The following CDH4 variants were observed in gnomAD, a reference collection of about 807,000 sequenced individuals.
CDH4 encodes cadherin 4.
Under a neutral mutation model 86.0 loss-of-function variants are expected in CDH4, and 33 were observed. The ratio of observed to expected loss-of-function variants is 0.38; its 90% CI spans 0.29 to 0.51. The LOEUF (loss-of-function observed/expected upper bound fraction) is 0.51, where lower values mean the gene tolerates loss of function less well. Ranked by LOEUF, CDH4 falls within the 20% of genes least tolerant of loss-of-function variation. CDH4 has a pLI of 0.86. For missense variants in CDH4, 1,114 were observed against 1,307.4 expected (o/e 0.85, Z 2.28); for synonymous variants, 555 against 549.4 (o/e 1.01, Z -0.14).
chr20:61,582,691 A>G lies in CDH4; in HGVS notation c.170-160872A>G, dbSNP rs1002615286. Among the ~76,000 whole-genome samples the G allele has an allele frequency of 6.6e-6, 1 of 152,064 alleles. No individual in the cohort carries two copies. The highest frequency in any genetic ancestry group is 1.5e-5 in the Non-Finnish European group (1 of 68,014). ...AGGAGCCTGTCTTCTGAGGCTGGGGACACAAGCCAGCCCTGCAGGCTCCAC... is the reference window on the plus strand; with the variant it reads ...AGGAGCCTGTCTTCTGAGGCTGGGGGCACAAGCCAGCCCTGCAGGCTCCAC... On this transcript the variant is annotated intron_variant, in intron 2 of 15. Coordinates refer to ENST00000614565, the MANE Select transcript of CDH4 (RefSeq NM_001794.5). The surrounding 1 kb of genome is among the most constrained non-coding windows in gnomAD (Gnocchi z 4.2).
In CDH4 at chr20:61,383,681, TATATG is replaced by T. The variant is rs1240593286; in HGVS notation, c.169+128749_169+128753del. The stretch of plus-strand genomic sequence containing the variant: ...ATATTATATATGATATATATGAATG[TATATG>T]ATATATGATATATATGAATGTATAT... On this transcript the variant is annotated intron_variant, in intron 2 of 15. Transcript: ENST00000614565. Among the ~76,000 whole-genome samples the T allele has an allele frequency of 2.6e-4, 21 of 80,694 alleles. 1 individual carries two copies. The highest frequency in any genetic ancestry group is 5.2e-4 in the Non-Finnish European group (21 of 40,060). 52.9% of individuals were successfully genotyped at this position (80,694 alleles called of 152,430 possible). A position where few individuals can be genotyped will look rare whatever the true frequency, so the allele number is the denominator to read the frequency against.
intron 2 of CDH4, among the ~76,000 whole-genome samples, chr20:61,352,612 T>C (rs1271106807): frequency 6.6e-6 from 1 of 152,230 alleles, no homozygotes; most frequent in East Asian, 1.9e-4. Flanking sequence ...TGTTTTGATT[T>C]CTATCGCCTG....
At chr20:61,724,440 G>A (rs1408191043) in intron 2 of CDH4, among the ~76,000 whole-genome samples, 1 of 152,202 alleles carries the variant, frequency 6.6e-6, no homozygotes, top group Non-Finnish European at 1.5e-5. Context: ...AGTGGGCTCA[G>A]TGAGAAAGCT....
rs749147156 is a variant in CDH4, at chr20:61,936,860, G to A, written c.2668G>A (p.Asp890Asn). Residue 890 changes from aspartate (D) to asparagine (N), a missense_variant, in exon 16 of 16, where the codon GAC (aspartate) becomes AAC (asparagine). This residue lies in a region of CDH4 where 188 missense variants were observed against 183.8 expected (regional missense o/e 1.02). Coordinates refer to ENST00000614565, the MANE Select transcript of CDH4 (RefSeq NM_001794.5). ...VSSLNSSSSG[D>N]QDYDYLNDWG... ...CTCCCTGAACTCATCCAGTTCCGGG[G>A]ACCAAGACTACGATTACCTCAACGA... 8 of 1,608,548 alleles carry A rather than the reference G, an allele frequency of 5.0e-6. 1 individual carries two copies. In the South Asian group the frequency reaches 5.5e-5, roughly 11 times the overall value.
chr20:61,765,037 C>G (rs2088682221), intron 3 of CDH4, among the ~76,000 whole-genome samples: 1 of 152,224 alleles, frequency 6.6e-6, no homozygotes, highest in Non-Finnish European at 1.5e-5. Flanking sequence ...GATTAAGAAG[C>G]AGGCAGGTTT....
intron 2 of CDH4, among the ~76,000 whole-genome samples, chr20:61,679,164 C>G (rs948673794): frequency 1.3e-5 from 2 of 152,178 alleles, no homozygotes; most frequent in African/African-American, 4.8e-5. Flanking sequence ...GTGGCATGGC[C>G]TGGTGTTTGC....
chr20:61,599,492 C>T (rs918541540), intron 2 of CDH4, among the ~76,000 whole-genome samples: 4 of 152,218 alleles, frequency 2.6e-5, no homozygotes, highest in Admixed American at 6.5e-5. Context: ...TCCTGACCCC[C>T]CTGACCCCAC....
At chr20:61,796,443 G>A (rs569181338) in intron 4 of CDH4, among the ~76,000 whole-genome samples, 3 of 152,118 alleles carry the variant, frequency 2.0e-5, no homozygotes, top group Non-Finnish European at 4.4e-5. Context: ...CCAGCCCCGC[G>A]TCCTACAGCC....
At chr20:61,275,362 G>A (rs551809500) in intron 2 of CDH4, among the ~76,000 whole-genome samples, 7 of 78,676 alleles carry the variant, frequency 8.9e-5, no homozygotes, top group Non-Finnish European at 7.1e-5. Context: ...GGGGAGTACC[G>A]TGAAGCAGTT....
At chr20:61,706,473 G>C (rs977741741) in intron 2 of CDH4, among the ~76,000 whole-genome samples, 2 of 152,196 alleles carry the variant, frequency 1.3e-5, no homozygotes, top group Admixed American at 6.5e-5. Flanking sequence ...TGAGAGAAAA[G>C]GCTGTAGCCA....
At chr20:61,834,630 A>G (rs1017844570) in intron 4 of CDH4, among the ~76,000 whole-genome samples, 5 of 152,216 alleles carry the variant, frequency 3.3e-5, no homozygotes, top group African/African-American at 1.2e-4. Flanking sequence ...GGAGCCAGAA[A>G]ATGACAGGGA....
chr20:61,349,604 G>A (rs925855500), intron 2 of CDH4, among the ~76,000 whole-genome samples: 3 of 152,206 alleles, frequency 2.0e-5, no homozygotes, highest in Non-Finnish European at 1.5e-5. Flanking sequence ...TATGGACCTG[G>A]GGTATGGCAC....
chr20:61,358,803 G>A (rs576004837), intron 2 of CDH4, among the ~76,000 whole-genome samples: 6 of 152,184 alleles, frequency 3.9e-5, no homozygotes, highest in African/African-American at 1.4e-4. Flanking sequence ...GCTTTAATGC[G>A]GGGGGGAAGG....
At position 61,517,167 on chromosome 20, in the gene CDH4, C is replaced by T. The variant is rs946710181; in HGVS notation, c.170-226396C>T. Among the ~76,000 whole-genome samples, 1 of 152,168 alleles carries T rather than the reference C, an allele frequency of 6.6e-6. No homozygotes were observed. The highest frequency in any genetic ancestry group is 1.5e-5 in the Non-Finnish European group (1 of 68,030). Reference sequence around the variant, plus strand: ...CTGTATTCCAACTTTCTAGATGTTGCCTGACTTTGAACTTCGGGTAAATGG... The same window carrying T: ...CTGTATTCCAACTTTCTAGATGTTGTCTGACTTTGAACTTCGGGTAAATGG... On this transcript the variant is annotated intron_variant, in intron 2 of 15. Coordinates refer to ENST00000614565, the MANE Select transcript of CDH4 (RefSeq NM_001794.5). This position sits in a 1 kb window ranked among gnomAD's most constrained non-coding sequence, Gnocchi z 6.6.
chr20:61,590,878 G>GGC (rs1568700954), intron 2 of CDH4, among the ~76,000 whole-genome samples: 20 of 59,892 alleles, frequency 3.3e-4, no homozygotes, highest in South Asian at 9.4e-4. Flanking sequence ...TAAATCTATG[G>GGC]GGGGGGGGGT....
intron 4 of CDH4, among the ~76,000 whole-genome samples, chr20:61,806,028 G>C (rs1253667415): frequency 6.6e-6 from 1 of 152,180 alleles, no homozygotes; most frequent in Non-Finnish European, 1.5e-5. Flanking sequence ...CCTCGCCTGG[G>C]GGCTCCTTCC....
chr20:61,453,687 A>G (rs1365029326), intron 2 of CDH4, among the ~76,000 whole-genome samples: 3 of 152,214 alleles, frequency 2.0e-5, no homozygotes, highest in Admixed American at 6.5e-5. Context: ...TACTTGGCCT[A>G]TCTTTCTTTG....
rs537600561 is a variant in CDH4 at position 61,262,562 on chromosome 20, C to T, written c.169+7625C>T. ...CTTTGTTTCAGAAATAATGATTTTT[C>T]TAATTCTACCCTGCAGTGTTAAAAA... On this transcript the variant is annotated intron_variant, in intron 2 of 15. Transcript: ENST00000614565. Among the ~76,000 whole-genome samples, 307 of 152,230 alleles carry T rather than the reference C, an allele frequency of 2.0e-3. 1 individual carries two copies. The Middle Eastern group carries it at 0.027, about 13-fold the overall frequency.
intron 4 of CDH4, among the ~76,000 whole-genome samples, chr20:61,799,121 G>C (rs768049284): frequency 2.0e-5 from 3 of 152,234 alleles, no homozygotes; most frequent in Non-Finnish European, 4.4e-5. Flanking sequence ...CTCATCAACT[G>C]TTACTTGTAA....
Sources: allele counts gnomAD v4.1 joint callset (sites outside exome capture counted in the v4.1 genomes callset), GRCh38; gene constraint gnomAD v4.1.1; regional missense constraint gnomAD v4.1.1; non-coding constraint Gnocchi (gnomAD v3.1); transcripts MANE v1.5; gene names NCBI Gene and HGNC (gene_info 2026-07-23, HGNC 2026-07-21).